The following GABBR2 variants were observed in gnomAD, a reference collection of about 807,000 sequenced individuals.
GABBR2 encodes the protein gamma-aminobutyric acid type B receptor subunit 2.
A neutral mutation model predicts 105.6 loss-of-function variants in GABBR2; 23 were observed. The observed-to-expected ratio is 0.22, with a 90% confidence interval of 0.16 to 0.31. The LOEUF (loss-of-function observed/expected upper bound fraction) is 0.31, where lower values mean the gene tolerates loss of function less well. Among genes scored for constraint, GABBR2 ranks in the 10% least tolerant of loss-of-function variants. The pLI, the probability that GABBR2 is intolerant of heterozygous loss-of-function variation, is 1.00. For synonymous variants in GABBR2, 478 were observed against 499.7 expected (o/e 0.96, Z 0.58); for missense variants, 734 against 1,245.5 (o/e 0.59, Z 6.18).
At chr9:98,553,359 C>T (rs1303805704) in intron 2 of GABBR2, among the ~76,000 whole-genome samples, 3 of 151,668 alleles carry the variant, frequency 2.0e-5, no homozygotes, top group African/African-American at 7.3e-5. Context: ...TTTGGGAGGC[C>T]GAGGCAGGAG....
intron 7 of GABBR2, among the ~76,000 whole-genome samples, chr9:98,446,769 G>T (rs1826136859): frequency 6.6e-6 from 1 of 152,134 alleles, no homozygotes; most frequent in Non-Finnish European, 1.5e-5. Context: ...GGGTGGCATT[G>T]GACGCTAGCA....
chr9:98,455,798 G>A (rs1826316033), intron 6 of GABBR2, among the ~76,000 whole-genome samples: 1 of 152,234 alleles, frequency 6.6e-6, no homozygotes, highest in South Asian at 2.1e-4. Flanking sequence ...CCACACAGAT[G>A]CCTGGGGATG....
At chr9:98,414,409 T>C (rs943381426) in intron 7 of GABBR2, among the ~76,000 whole-genome samples, 4 of 152,146 alleles carry the variant, frequency 2.6e-5, no homozygotes, top group African/African-American at 9.7e-5. Flanking sequence ...TAAATGGTCA[T>C]TGAAGAGCAG....
chr9:98,546,556 TTTTG>T (rs946728587), intron 2 of GABBR2, among the ~76,000 whole-genome samples: 6 of 152,252 alleles, frequency 3.9e-5, no homozygotes, highest in Admixed American at 3.3e-4. Flanking sequence ...TTTTATTGCT[TTTTG>T]TTTGATACTG....
At chr9:98,506,913 G>A (rs1302842827) in intron 3 of GABBR2, among the ~76,000 whole-genome samples, 2 of 152,112 alleles carry the variant, frequency 1.3e-5, no homozygotes, top group Non-Finnish European at 2.9e-5. Context: ...CACTATGAAA[G>A]TCCTCCAGAG....
At chr9:98,554,497 C>T (rs906504871) in intron 2 of GABBR2, among the ~76,000 whole-genome samples, 5 of 152,116 alleles carry the variant, frequency 3.3e-5, no homozygotes, top group Non-Finnish European at 2.9e-5. Flanking sequence ...AAAAATCGTA[C>T]GTATATTTAA....
chr9:98,407,000 A>G (rs538128714), intron 7 of GABBR2, among the ~76,000 whole-genome samples: 2 of 152,252 alleles, frequency 1.3e-5, no homozygotes. Context: ...ACTGAAACTG[A>G]GAGAGGTTAT....
chr9:98,407,433 C>G (rs1832510531), intron 7 of GABBR2, among the ~76,000 whole-genome samples: 1 of 152,162 alleles, frequency 6.6e-6, no homozygotes, highest in Non-Finnish European at 1.5e-5. Flanking sequence ...CAGTTTGAAA[C>G]TAATGCCCAC....
At chr9:98,310,654 C>T (rs1421159974) in intron 14 of GABBR2, among the ~76,000 whole-genome samples, 1 of 152,214 alleles carries the variant, frequency 6.6e-6, no homozygotes. Flanking sequence ...TGAGGCTTAC[C>T]CTCCTCATCT....
intron 1 of GABBR2, among the ~76,000 whole-genome samples, chr9:98,648,053 T>C (rs1830049648): frequency 6.8e-6 from 1 of 147,112 alleles, no homozygotes. Context: ...TTAAGTCCCC[T>C]TCCCCTTTCT....
rs750038687 is a variant in GABBR2 at position 98,385,658 on chromosome 9, G to A, written c.1644C>T (p.Thr548=). Residue 548 remains threonine, a synonymous_variant, in exon 11 of 19, where the codon ACC becomes ACT. Transcript: ENST00000259455. ...GACTTACGGTGCAAAGTGTTTCAAA[G>A]GTCTTTTCAGAGACAAAGGATCCAT... ...GLDGSFVSEK[T]FETLCTVRTW... The A allele has an allele frequency of 1.9e-6, 3 of 1,613,376 alleles. No individual in the cohort carries two copies. The East Asian group carries it at 6.7e-5, about 36-fold the overall frequency.
chr9:98,457,940 G>A (rs968234979), intron 6 of GABBR2, among the ~76,000 whole-genome samples: 2 of 152,238 alleles, frequency 1.3e-5, no homozygotes, highest in African/African-American at 4.8e-5. Context: ...CCGAGGTCAA[G>A]TTTATCGTGA....
chr9:98,533,938 A>G (rs1828119648), intron 3 of GABBR2, among the ~76,000 whole-genome samples: 1 of 151,292 alleles, frequency 6.6e-6, no homozygotes, highest in African/African-American at 2.5e-5. Context: ...TGCTCAGAGC[A>G]GCAGGAGAGG....
intron 2 of GABBR2, among the ~76,000 whole-genome samples, chr9:98,556,116 C>T (rs1828580124): frequency 1.3e-5 from 2 of 152,210 alleles, no homozygotes; most frequent in African/African-American, 4.8e-5. Flanking sequence ...AAGGAAAGTG[C>T]TGGTTTCTCT....
At chr9:98,657,294 T>C (rs1021442091) in intron 1 of GABBR2, among the ~76,000 whole-genome samples, 6 of 152,246 alleles carry the variant, frequency 3.9e-5, no homozygotes, top group African/African-American at 1.4e-4. Flanking sequence ...TCTGTATCCA[T>C]GTCTCTATTA....
chr9:98,618,335 G>C (rs1256370574), intron 1 of GABBR2, among the ~76,000 whole-genome samples: 13 of 152,168 alleles, frequency 8.5e-5, no homozygotes, highest in Admixed American at 8.5e-4. Flanking sequence ...GATCACAATA[G>C]TTGGGGGTTT....
intron 1 of GABBR2, among the ~76,000 whole-genome samples, chr9:98,673,004 G>C: frequency 6.6e-6 from 1 of 152,064 alleles, no homozygotes; most frequent in African/African-American, 2.4e-5. Context: ...CAATCATTTA[G>C]GAATCCAAAT....
chr9:98,637,280 TA>T (rs1829893044), intron 1 of GABBR2, among the ~76,000 whole-genome samples: 1 of 152,204 alleles, frequency 6.6e-6, no homozygotes, highest in Non-Finnish European at 1.5e-5. Context: ...CACAGTTGGC[TA>T]CTTTGGGAAC....
At chr9:98,337,651 A>G (rs1831139259) in intron 13 of GABBR2, among the ~76,000 whole-genome samples, 1 of 152,250 alleles carries the variant, frequency 6.6e-6, no homozygotes, top group African/African-American at 2.4e-5. Flanking sequence ...TTGGTGGAAT[A>G]GAATTGAGAA....
Sources: gnomAD v4.1 joint callset for allele counts (sites outside exome capture counted in the v4.1 genomes callset) on GRCh38, gnomAD v4.1.1 for gene constraint, MANE v1.5 for transcripts, NCBI Gene and HGNC (gene_info 2026-07-23, HGNC 2026-07-21) for gene names.